SLC25A21: variants seen among roughly 807,000 people sequenced by gnomAD.
SLC25A21 encodes solute carrier family 25 member 21.
A neutral mutation model predicts 43.8 loss-of-function variants in SLC25A21; 47 were observed. That is an observed-to-expected ratio of 1.07 (90% confidence interval 0.85 to 1.37). The LOEUF is 1.37. Among genes scored for constraint, SLC25A21 ranks in the 40% most tolerant of loss-of-function variants. SLC25A21 has a pLI of 0.00. For synonymous variants in SLC25A21, 131 were observed against 121.3 expected, an observed-to-expected ratio of 1.08 and a Z score of -0.52; for missense variants, 352 against 350.2, an observed-to-expected ratio of 1.00 and a Z score of -0.04.
intron 2 of SLC25A21, among the ~76,000 whole-genome samples, chr14:36,814,431 G>A (rs1421278078): frequency 5.9e-5 from 9 of 152,112 alleles, no homozygotes; most frequent in Non-Finnish European, 5.9e-5. Context: ...AGAGTAGCCT[G>A]ACTAATATTC....
intron 1 of SLC25A21, among the ~76,000 whole-genome samples, chr14:37,062,574 T>C (rs1961971805): frequency 1.3e-5 from 2 of 152,154 alleles, no homozygotes; most frequent in African/African-American, 4.8e-5. Context: ...ATGCTCGCTG[T>C]TTGCACTCCA....
chr14:36,756,706 G>A (rs774612625), intron 3 of SLC25A21, among the ~76,000 whole-genome samples: 1 of 152,160 alleles, frequency 6.6e-6, no homozygotes, highest in African/African-American at 2.4e-5. Flanking sequence ...TAGGACAAAT[G>A]AGTCAAATAA....
chr14:37,005,738 A>T (rs1960589094), intron 1 of SLC25A21, among the ~76,000 whole-genome samples: 2 of 152,230 alleles, frequency 1.3e-5, no homozygotes, highest in African/African-American at 4.8e-5. Context: ...AAAGCTATAC[A>T]TGCAAAATAA....
intron 1 of SLC25A21, among the ~76,000 whole-genome samples, chr14:36,988,624 C>T (rs1960197177): frequency 1.3e-5 from 2 of 152,146 alleles, no homozygotes; most frequent in African/African-American, 2.4e-5. Flanking sequence ...TGGATCTCAC[C>T]CCCTATTGTA....
At chr14:36,803,274 T>C (rs1026678313) in intron 3 of SLC25A21, among the ~76,000 whole-genome samples, 1 of 152,192 alleles carries the variant, frequency 6.6e-6, no homozygotes, top group South Asian at 2.1e-4. Context: ...TTTTGAAATG[T>C]AACACATATT....
intron 7 of SLC25A21, among the ~76,000 whole-genome samples, chr14:36,691,880 A>G (rs1228623782): frequency 1.3e-5 from 2 of 152,202 alleles, no homozygotes; most frequent in Non-Finnish European, 2.9e-5. Context: ...ACTGGAGCTG[A>G]GTAGTCTGAA....
intron 1 of SLC25A21, among the ~76,000 whole-genome samples, chr14:37,102,733 C>T (rs570602653): frequency 1.3e-5 from 2 of 151,512 alleles, no homozygotes; most frequent in Non-Finnish European, 2.9e-5. Context: ...TACCTGTAAT[C>T]GCAGCACTTT....
At chr14:36,987,838 A>C (rs750092425) in intron 1 of SLC25A21, among the ~76,000 whole-genome samples, 1 of 152,222 alleles carries the variant, frequency 6.6e-6, no homozygotes, top group Non-Finnish European at 1.5e-5. Context: ...AATGACATCA[A>C]TTTATGCTAC....
chr14:37,147,052 T>C (rs1963678393), intron 1 of SLC25A21, among the ~76,000 whole-genome samples: 1 of 152,154 alleles, frequency 6.6e-6, no homozygotes, highest in African/African-American at 2.4e-5. Flanking sequence ...CATTTATTCA[T>C]TGCACAAGGA....
intron 1 of SLC25A21, among the ~76,000 whole-genome samples, chr14:36,888,237 T>C (rs2138578986): frequency 6.6e-6 from 1 of 152,312 alleles, no homozygotes; most frequent in African/African-American, 2.4e-5. Context: ...TCTCCAGTAG[T>C]TCTTTAACTT....
rs527867288 is a variant in SLC25A21, at chr14:37,077,608, A to C, written c.70+94673T>G. 6.3e-4 allele frequency among the ~76,000 whole-genome samples: 96 copies of C among 152,322 alleles called. 1 individual carries two copies. The highest frequency in any genetic ancestry group is 2.1e-3 in the African/African-American group (88 of 41,576). ...AATACTCAAAACATTGTATCATTCT[A>C]TTTCATACTACCCTACACTGGGTAA... On this transcript the variant is annotated intron_variant, in intron 1 of 9. Coordinates refer to ENST00000331299, the MANE Select transcript of SLC25A21 (RefSeq NM_030631.4).
chr14:36,951,472 G>A (rs1326094123), intron 1 of SLC25A21, among the ~76,000 whole-genome samples: 2 of 152,008 alleles, frequency 1.3e-5, no homozygotes, highest in East Asian at 3.9e-4. Context: ...ACAAACCAAT[G>A]AACAGACCTT....
At chr14:36,907,288 C>T (rs1891560343) in intron 1 of SLC25A21, among the ~76,000 whole-genome samples, 1 of 152,084 alleles carries the variant, frequency 6.6e-6, no homozygotes, top group African/African-American at 2.4e-5. Context: ...ATCAAATCAA[C>T]TGCAAAAATC....
intron 1 of SLC25A21, among the ~76,000 whole-genome samples, chr14:36,884,909 AC>A (rs1305803107): frequency 6.6e-6 from 1 of 151,888 alleles, no homozygotes; most frequent in Non-Finnish European, 1.5e-5. Context: ...TTTTCTCCGA[AC>A]CCATGGGTTG....
intron 2 of SLC25A21, among the ~76,000 whole-genome samples, chr14:36,865,058 G>A (rs1890176211): frequency 1.3e-5 from 2 of 150,454 alleles, no homozygotes; most frequent in South Asian, 2.1e-4. Flanking sequence ...GATCTATTGG[G>A]GAAAAGAGAC....
intron 2 of SLC25A21, among the ~76,000 whole-genome samples, chr14:36,872,860 A>G (rs1207741538): frequency 6.6e-6 from 1 of 152,228 alleles, no homozygotes; most frequent in East Asian, 1.9e-4. Context: ...AAAATGATAC[A>G]GCTTTTGAAG....
chr14:36,692,760 T>C (rs1882844416), intron 7 of SLC25A21, among the ~76,000 whole-genome samples: 1 of 152,114 alleles, frequency 6.6e-6, no homozygotes, highest in African/African-American at 2.4e-5. Context: ...AAAGGCAAGG[T>C]TGAGTAGAGG....
At chr14:36,954,928 C>T (rs1959296316) in intron 1 of SLC25A21, among the ~76,000 whole-genome samples, 1 of 152,174 alleles carries the variant, frequency 6.6e-6, no homozygotes. Context: ...CAGAGCCATC[C>T]AGCTAGAACC....
At chr14:36,704,193 C>T (rs1041705714) in intron 7 of SLC25A21, among the ~76,000 whole-genome samples, 2 of 152,092 alleles carry the variant, frequency 1.3e-5, no homozygotes, top group Non-Finnish European at 1.5e-5. Context: ...TCTCATAATT[C>T]GGTGTTTCTA....
Sources: allele counts gnomAD v4.1 joint callset (sites outside exome capture counted in the v4.1 genomes callset), GRCh38; gene constraint gnomAD v4.1.1; transcripts MANE v1.5; gene names NCBI Gene and HGNC (gene_info 2026-07-23, HGNC 2026-07-21).